Variants in CLYBL observed in about 807,000 individuals in gnomAD.
CLYBL encodes citramalyl-CoA lyase, mitochondrial.
CLYBL carries 31 observed loss-of-function variants against 38.9 expected under a neutral mutation model. The ratio of observed to expected loss-of-function variants is 0.80; its 90% CI spans 0.60 to 1.08. The LOEUF (loss-of-function observed/expected upper bound fraction) is 1.08, where lower values mean the gene tolerates loss of function less well. Ranked by LOEUF, CLYBL falls within the 50% of genes least tolerant of loss-of-function variation. The pLI is 0.00. For missense variants in CLYBL, 434 were observed against 411.6 expected, an observed-to-expected ratio of 1.05 and a Z score of -0.47; for synonymous variants, 171 against 158.6, an observed-to-expected ratio of 1.08 and a Z score of -0.59.
chr13:99,638,222 T>G (rs530448322), intron 1 of CLYBL, among the ~76,000 whole-genome samples: 2 of 152,342 alleles, frequency 1.3e-5, no homozygotes, highest in South Asian at 4.1e-4. Flanking sequence ...CCTTCTGAAG[T>G]GCTGGGATTA....
intron 1 of CLYBL, among the ~76,000 whole-genome samples, chr13:99,631,416 A>G (rs1393358889): frequency 6.6e-6 from 1 of 151,856 alleles, no homozygotes; most frequent in Non-Finnish European, 1.5e-5. Flanking sequence ...TACATATATT[A>G]CATACATATA....
intron 1 of CLYBL, among the ~76,000 whole-genome samples, chr13:99,639,262 G>A (rs879885403): frequency 6.6e-6 from 1 of 152,158 alleles, no homozygotes; most frequent in Non-Finnish European, 1.5e-5. Flanking sequence ...GGCAAGCCGG[G>A]GCTTGTGGTC....
chr13:99,652,106 C>T (rs991203825), intron 1 of CLYBL, among the ~76,000 whole-genome samples: 1 of 152,196 alleles, frequency 6.6e-6, no homozygotes, highest in African/African-American at 2.4e-5. Context: ...GAACAGTGTG[C>T]TGCCAGGGTG....
chr13:99,860,302 G>C (rs1334345341), intron 3 of CLYBL, among the ~76,000 whole-genome samples: 1 of 152,180 alleles, frequency 6.6e-6, no homozygotes, highest in African/African-American at 2.4e-5. Flanking sequence ...ACCTGTTTCA[G>C]TTTACCCTCA....
intron 1 of CLYBL, among the ~76,000 whole-genome samples, chr13:99,742,793 G>A (rs2048778893): frequency 6.6e-6 from 1 of 152,188 alleles, no homozygotes; most frequent in Non-Finnish European, 1.5e-5. Flanking sequence ...AAGAGACCCA[G>A]CCAATATTAT....
At chr13:99,885,777 G>A (rs1036134829) in intron 7 of CLYBL, among the ~76,000 whole-genome samples, 14 of 152,266 alleles carry the variant, frequency 9.2e-5, no homozygotes, top group Middle Eastern at 3.4e-3. Context: ...TTGCAAAATA[G>A]GAAAGAAGAA....
intron 2 of CLYBL, among the ~76,000 whole-genome samples, chr13:99,855,526 G>C (rs757686063): frequency 6.6e-6 from 1 of 152,162 alleles, no homozygotes; most frequent in African/African-American, 2.4e-5. Context: ...AGTGTGAAGC[G>C]TGAAGGATGA....
intron 2 of CLYBL, among the ~76,000 whole-genome samples, chr13:99,797,566 G>A (rs2050048320): frequency 1.3e-5 from 2 of 151,150 alleles, no homozygotes. Flanking sequence ...CTGTTTGTGT[G>A]TGTGTGTGTG....
rs869061868 is a variant in CLYBL at position 99,833,030 on chromosome 13, A to ATT, written c.250-25804_250-25803dup. Among the ~76,000 whole-genome samples the ATT allele has an allele frequency of 8.1e-4, 29 of 35,874 alleles. 1 individual carries two copies. Among genetic ancestry groups the ATT allele is most frequent in the African/African-American group, 1.8e-3 (13 of 7,140 alleles). 23.5% of individuals were successfully genotyped at this position (35,874 alleles called of 152,430 possible). A position where few individuals can be genotyped will look rare whatever the true frequency, so the allele number is the denominator to read the frequency against. On this transcript the variant is annotated intron_variant, in intron 2 of 8. Coordinates refer to ENST00000339105, the MANE Select transcript of CLYBL (RefSeq NM_206808.5). ...TACATATATATATATATATATATAT[A>ATT]TTTTTTTTTTTTTTTTTTTTTTTTT...
chr13:99,819,822 C>T (rs1326087267), intron 2 of CLYBL, among the ~76,000 whole-genome samples: 1 of 152,082 alleles, frequency 6.6e-6, no homozygotes, highest in Non-Finnish European at 1.5e-5. Context: ...GATGCCTGCC[C>T]ACCTTGGTGA....
In CLYBL at chr13:99,864,873, C is replaced by T; in HGVS notation, c.596C>T (p.Ala199Val). ...CCTCAAGTAGGTCTCTTTCTAGATG[C>T]AGTCGTTTTTGGAGGAGAAGACTTT... ...VGPQVGLFLD[A>V]VVFGGEDFRA... is the part of the protein sequence containing the mutation. Residue 199 changes from alanine (A) to valine (V), a missense_variant, in exon 5 of 9, where the codon GCA (alanine) becomes GTA (valine). By Grantham distance (64) the Ala-to-Val change is moderately conservative (BLOSUM62 0). Coordinates refer to ENST00000339105, the MANE Select transcript of CLYBL (RefSeq NM_206808.5). 1 of 1,613,996 alleles carries T rather than the reference C, an allele frequency of 6.2e-7. No homozygotes were observed. Among genetic ancestry groups the T allele is most frequent in the South Asian group, 1.1e-5 (1 of 91,068 alleles).
At chr13:99,657,330 G>A (rs1307413534) in intron 1 of CLYBL, among the ~76,000 whole-genome samples, 2 of 152,206 alleles carry the variant, frequency 1.3e-5, no homozygotes, top group Non-Finnish European at 2.9e-5. Flanking sequence ...ACATGGCTTT[G>A]CATCTGTGAA....
At chr13:99,671,981 G>T (rs187197258) in intron 1 of CLYBL, among the ~76,000 whole-genome samples, 35 of 152,060 alleles carry the variant, frequency 2.3e-4, no homozygotes, top group Admixed American at 1.4e-3. Flanking sequence ...GTCTCCTTTT[G>T]GGTGTCACCT....
chr13:99,728,738 T>TTTTTG (rs996684631), intron 1 of CLYBL, among the ~76,000 whole-genome samples: 30 of 151,810 alleles, frequency 2.0e-4, no homozygotes, highest in Admixed American at 8.5e-4. Context: ...ACTGTGTGCT[T>TTTTTG]TTTTGTTTTG....
chr13:99,863,050 A>C lies in CLYBL; in HGVS notation c.498A>C (p.Leu166Phe). The C allele has an allele frequency of 6.2e-7, 1 of 1,610,658 alleles. No homozygotes were observed. The highest frequency in any genetic ancestry group is 8.5e-7 in the Non-Finnish European group (1 of 1,178,452). The stretch of plus-strand genomic sequence containing the variant: ...GAAAACTTGAACAACCAATGAATTT[A>C]ATCCCTTTTGTGGAAACTGCAATGG... ...KGRKLEQPMN[L>F]IPFVETAMGL... The change falls in exon 4 of 9, where the codon TTA becomes TTC. Residue 166 changes from leucine (L) to phenylalanine (F), a missense_variant. Physicochemically the swap from Leu to Phe is conservative, Grantham distance 22. Coordinates refer to ENST00000339105, the MANE Select transcript of CLYBL (RefSeq NM_206808.5).
chr13:99,879,188 C>T (rs1189661251), intron 7 of CLYBL, among the ~76,000 whole-genome samples: 1 of 152,188 alleles, frequency 6.6e-6, no homozygotes, highest in Non-Finnish European at 1.5e-5. Flanking sequence ...TTGGTAAAGT[C>T]CTGAATTAGT....
intron 1 of CLYBL, among the ~76,000 whole-genome samples, chr13:99,674,579 G>C (rs2047616197): frequency 6.6e-6 from 1 of 152,104 alleles, no homozygotes. Flanking sequence ...GGTGACTTAG[G>C]AATGGACACA....
At chr13:99,732,847 C>T (rs1309898971) in intron 1 of CLYBL, among the ~76,000 whole-genome samples, 1 of 152,160 alleles carries the variant, frequency 6.6e-6, no homozygotes, top group Non-Finnish European at 1.5e-5. Flanking sequence ...TTTGAAACTT[C>T]TGTGTCAGTG....
Position 99,836,839 on chromosome 13 carries a change from A to G in CLYBL, c.250-22022A>G, listed in dbSNP as rs137884860. Among the ~76,000 whole-genome samples the G allele has an allele frequency of 8.6e-3, 1,306 of 151,958 alleles. 13 individuals are homozygous for G. The highest frequency in any genetic ancestry group is 0.016 in the South Asian group (77 of 4,798). On this transcript the variant is annotated intron_variant, in intron 2 of 8. Transcript: ENST00000339105. ...CTCACTCATAGGTGGGAATTGAACA[A>G]TGAGAACACATGAACACAGGAAGGG...
Sources: gnomAD v4.1 joint callset for allele counts (sites outside exome capture counted in the v4.1 genomes callset) on GRCh38, gnomAD v4.1.1 for gene constraint, MANE v1.5 for transcripts, NCBI Gene and HGNC (gene_info 2026-07-23, HGNC 2026-07-21) for gene names.